Variants in CTNND2 observed in about 807,000 individuals in gnomAD.
CTNND2 encodes the protein catenin delta-2.
A neutral mutation model predicts 144.4 loss-of-function variants in CTNND2; 22 were observed. That is an observed-to-expected ratio of 0.15 (90% CI 0.11 to 0.22). The LOEUF (loss-of-function observed/expected upper bound fraction) is 0.22. Ranked by LOEUF, CTNND2 falls within the 10% of genes least tolerant of loss-of-function variation. The pLI is 1.00. For missense variants in CTNND2, 1,353 were observed against 1,618.8 expected, an observed-to-expected ratio of 0.84 and a Z score of 2.82; for synonymous variants, 751 against 695.6, an observed-to-expected ratio of 1.08 and a Z score of -1.25.
chr5:11,592,407 CCTT>C (rs1779302073), intron 2 of CTNND2, among the ~76,000 whole-genome samples: 2 of 152,028 alleles, frequency 1.3e-5, no homozygotes, highest in South Asian at 4.2e-4. Context: ...TCACATATCT[CCTT>C]CATGAGTTTG....
At chr5:11,129,287 A>AATATATAATATATATTATATATATAAAT (rs1755299836) in intron 12 of CTNND2, among the ~76,000 whole-genome samples, 3 of 74,158 alleles carry the variant, frequency 4.0e-5, no homozygotes, top group African/African-American at 1.0e-4. Context: ...ATTATATAAA[A>AATATATAATATATATTATATATATAAAT]ATATATAATA....
At chr5:11,206,686 A>G (rs1204600511) in intron 10 of CTNND2, among the ~76,000 whole-genome samples, 2 of 152,236 alleles carry the variant, frequency 1.3e-5, no homozygotes, top group Non-Finnish European at 2.9e-5. Flanking sequence ...TCATGATGCT[A>G]AAATCCCATG....
chr5:11,220,407 G>A (rs1403855023), intron 10 of CTNND2, among the ~76,000 whole-genome samples: 1 of 152,140 alleles, frequency 6.6e-6, no homozygotes, highest in East Asian at 1.9e-4. Flanking sequence ...GGATTTAAGG[G>A]AAATGCAGAC....
intron 11 of CTNND2, among the ~76,000 whole-genome samples, chr5:11,180,187 G>C (rs1760865347): frequency 6.6e-6 from 1 of 152,072 alleles, no homozygotes; most frequent in South Asian, 2.1e-4. Context: ...ATTCTCATGA[G>C]ATCCAGTGGT....
At chr5:11,703,300 T>C (rs978716027) in intron 2 of CTNND2, among the ~76,000 whole-genome samples, 1 of 152,258 alleles carries the variant, frequency 6.6e-6, no homozygotes, top group Non-Finnish European at 1.5e-5. Flanking sequence ...TTATATATGC[T>C]ATCAGGAGAT....
chr5:11,206,511 A>G (rs748431561), intron 10 of CTNND2, among the ~76,000 whole-genome samples: 2 of 152,204 alleles, frequency 1.3e-5, no homozygotes, highest in Non-Finnish European at 2.9e-5. Flanking sequence ...TGTGATCTTG[A>G]TAAGTCTAAT....
chr5:11,203,599 T>A (rs182136259), intron 10 of CTNND2, among the ~76,000 whole-genome samples: 1 of 152,140 alleles, frequency 6.6e-6, no homozygotes, highest in Non-Finnish European at 1.5e-5. Flanking sequence ...GGTCTTCAAC[T>A]CCTAGGCTCA....
chr5:11,053,188 C>CTCTTT (rs1220473975), intron 16 of CTNND2, among the ~76,000 whole-genome samples: 1 of 152,198 alleles, frequency 6.6e-6, no homozygotes, highest in Non-Finnish European at 1.5e-5. Context: ...AGGTGCTTTT[C>CTCTTT]TCTTTTCTTT....
intron 10 of CTNND2, among the ~76,000 whole-genome samples, chr5:11,229,688 G>GTA (rs1455337916): frequency 6.6e-6 from 1 of 150,524 alleles, no homozygotes; most frequent in Non-Finnish European, 1.5e-5. Context: ...ATATAACTGT[G>GTA]TATATATACA....
At chr5:11,755,359 T>C (rs1788872245) in intron 1 of CTNND2, among the ~76,000 whole-genome samples, 1 of 151,746 alleles carries the variant, frequency 6.6e-6, no homozygotes. Flanking sequence ...AACTTCTCTC[T>C]AGATGCTTTT....
chr5:11,764,489 T>C (rs1280728994), intron 1 of CTNND2, among the ~76,000 whole-genome samples: 1 of 152,174 alleles, frequency 6.6e-6, no homozygotes, highest in Non-Finnish European at 1.5e-5. Flanking sequence ...TTGATTCTGC[T>C]GGTGAGGCCA....
chr5:11,792,873 A>G (rs1470856742), intron 1 of CTNND2, among the ~76,000 whole-genome samples: 2 of 152,244 alleles, frequency 1.3e-5, no homozygotes, highest in Admixed American at 1.3e-4. Flanking sequence ...ACTCTTGCCA[A>G]CAAAGGCTTA....
At position 11,584,419 on chromosome 5, in the gene CTNND2, T is replaced by A. The variant is rs369045894; in HGVS notation, c.175-19363A>T. ...GTTCTATATATACATATATATATAT[T>A]TTTTTTGGGGGGGGGGAGGAGGAAG... On this transcript the variant is annotated intron_variant, in intron 2 of 21. Coordinates refer to ENST00000304623, the MANE Select transcript of CTNND2 (RefSeq NM_001332.4). Among the ~76,000 whole-genome samples the A allele has an allele frequency of 4.2e-4, 15 of 35,840 alleles. 1 individual carries two copies. Among genetic ancestry groups the A allele is most frequent in the Non-Finnish European group, 7.5e-4 (10 of 13,384 alleles). 23.5% of individuals were successfully genotyped at this position (35,840 alleles called of 152,430 possible).
chr5:11,798,306 A>C (rs1468151852), intron 1 of CTNND2, among the ~76,000 whole-genome samples: 2 of 151,772 alleles, frequency 1.3e-5, no homozygotes, highest in African/African-American at 4.8e-5. Context: ...CCAAGATATC[A>C]ATTTACTTCT....
At chr5:11,707,085 CA>C (rs372658494) in intron 2 of CTNND2, among the ~76,000 whole-genome samples, 331 of 103,038 alleles carry the variant, frequency 3.2e-3, no homozygotes, top group South Asian at 8.0e-3. Context: ...TACTCCATCT[CA>C]AAAAAAAAAA....
At chr5:11,239,382 A>G (rs1037484739) in intron 9 of CTNND2, among the ~76,000 whole-genome samples, 1 of 152,178 alleles carries the variant, frequency 6.6e-6, no homozygotes, top group Non-Finnish European at 1.5e-5. Context: ...GTCAAAAGAA[A>G]GGCTGCTGCC....
intron 3 of CTNND2, among the ~76,000 whole-genome samples, chr5:11,555,080 A>G (rs1344710577): frequency 6.6e-6 from 1 of 152,206 alleles, no homozygotes; most frequent in Admixed American, 6.5e-5. Context: ...GAACAGTAAT[A>G]AAATCACTGT....
intron 16 of CTNND2, among the ~76,000 whole-genome samples, chr5:11,066,970 C>T (rs1211510830): frequency 6.6e-6 from 1 of 152,190 alleles, no homozygotes; most frequent in Non-Finnish European, 1.5e-5. Flanking sequence ...TGATTAGCTC[C>T]TCCCAGTGCC....
chr5:11,623,610 T>C (rs1042978612), intron 2 of CTNND2, among the ~76,000 whole-genome samples: 4 of 151,596 alleles, frequency 2.6e-5, no homozygotes, highest in African/African-American at 4.8e-5. Flanking sequence ...ACGACACCCA[T>C]AGGCTAAAAG....
Sources: allele counts gnomAD v4.1 joint callset (sites outside exome capture counted in the v4.1 genomes callset), GRCh38; gene constraint gnomAD v4.1.1; transcripts MANE v1.5; gene names NCBI Gene and HGNC (gene_info 2026-07-23, HGNC 2026-07-21).